Variants in EPHB1 observed in about 807,000 individuals in gnomAD.
EPHB1 encodes ephrin type-B receptor 1.
A neutral mutation model predicts 94.4 loss-of-function variants in EPHB1; 30 were observed. The observed-to-expected ratio is 0.32, with a 90% confidence interval of 0.24 to 0.43. The LOEUF (loss-of-function observed/expected upper bound fraction) is 0.43, where lower values mean the gene tolerates loss of function less well. Ranked by LOEUF, EPHB1 falls within the 20% of genes least tolerant of loss-of-function variation. EPHB1 has a pLI of 1.00. For synonymous variants in EPHB1, 522 were observed against 489.1 expected, an observed-to-expected ratio of 1.07 and a Z score of -0.89; for missense variants, 1,055 against 1,308.3, an observed-to-expected ratio of 0.81 and a Z score of 2.99.
intron 3 of EPHB1, among the ~76,000 whole-genome samples, chr3:135,077,685 G>T (rs1425860320): frequency 6.6e-6 from 1 of 152,194 alleles, no homozygotes; most frequent in Non-Finnish European, 1.5e-5. Context: ...ACCCTGAGAT[G>T]CATACATGGC....
chr3:134,841,966 ATCC>A (rs2036786377), intron 1 of EPHB1, among the ~76,000 whole-genome samples: 1 of 152,190 alleles, frequency 6.6e-6, no homozygotes, highest in South Asian at 2.1e-4. Context: ...CATCATAGAC[ATCC>A]CCACACATTG....
At chr3:135,091,101 A>C (rs948557934) in intron 3 of EPHB1, among the ~76,000 whole-genome samples, 4 of 152,254 alleles carry the variant, frequency 2.6e-5, no homozygotes, top group African/African-American at 9.6e-5. Flanking sequence ...AACAGAATGC[A>C]GCTCTTCCCT....
intron 1 of EPHB1, among the ~76,000 whole-genome samples, chr3:134,865,995 T>G (rs2108305690): frequency 6.6e-6 from 1 of 152,240 alleles, no homozygotes; most frequent in Middle Eastern, 3.4e-3. Flanking sequence ...ATAAGGAATC[T>G]CTGAGCAGAT....
intron 3 of EPHB1, among the ~76,000 whole-genome samples, chr3:135,053,027 G>GTGTATATATATATATATATA (rs1256844091): frequency 1.2e-4 from 13 of 110,470 alleles, no homozygotes; most frequent in South Asian, 2.9e-4. Flanking sequence ...GTGTGTGTGT[G>GTGTATATATATATATATATA]TATATATATA....
intron 12 of EPHB1, among the ~76,000 whole-genome samples, chr3:135,238,814 T>C (rs1484708661): frequency 6.6e-6 from 1 of 152,206 alleles, no homozygotes; most frequent in African/African-American, 2.4e-5. Context: ...CCAGGTATTT[T>C]GAGAAAACCA....
In EPHB1 at chr3:135,154,138, T is replaced by C; in HGVS notation, c.1298-14T>C. The C allele has an allele frequency of 6.2e-7, 1 of 1,613,866 alleles. No individual in the cohort carries two copies. Among genetic ancestry groups the C allele is most frequent in the Non-Finnish European group, 8.5e-7 (1 of 1,179,816 alleles). On this transcript the variant is annotated splice_polypyrimidine_tract_variant and intron_variant, in intron 5 of 15. Transcript: ENST00000398015. ...GTGTCTGTTCAGCTACCCTGTTTCT[T>C]TCTCTCTCCACAGCCCCCTCCACCG... is the stretch of plus-strand genomic sequence containing the variant.
intron 6 of EPHB1, among the ~76,000 whole-genome samples, chr3:135,157,220 T>C (rs951717092): frequency 1.3e-5 from 2 of 152,176 alleles, no homozygotes; most frequent in African/African-American, 4.8e-5. Flanking sequence ...GGAAAGAATA[T>C]GTTAGAGACC....
intron 3 of EPHB1, among the ~76,000 whole-genome samples, chr3:134,984,955 G>A (rs1934543881): frequency 6.6e-6 from 1 of 152,066 alleles, no homozygotes; most frequent in Admixed American, 6.6e-5. Context: ...AGAGCTTGGT[G>A]GCATCAAAAA....
chr3:135,111,864 G>C (rs1384539031), intron 4 of EPHB1, among the ~76,000 whole-genome samples: 1 of 152,114 alleles, frequency 6.6e-6, no homozygotes, highest in African/African-American at 2.4e-5. Flanking sequence ...ATTTTTAGTA[G>C]AGATGGGGTT....
chr3:135,054,024 C>CATATATATATAT (rs144029421), intron 3 of EPHB1, among the ~76,000 whole-genome samples: 108 of 137,422 alleles, frequency 7.9e-4, no homozygotes, highest in African/African-American at 3.0e-3. Flanking sequence ...TGTGTGTCTG[C>CATATATATATAT]ATATATATAT....
intron 3 of EPHB1, among the ~76,000 whole-genome samples, chr3:135,013,140 T>C (rs1054124083): frequency 2.0e-5 from 3 of 152,222 alleles, no homozygotes; most frequent in African/African-American, 2.4e-5. Flanking sequence ...GTCATTTCCG[T>C]TTATCAGAAG....
At chr3:135,097,116 G>A (rs867948238) in intron 3 of EPHB1, among the ~76,000 whole-genome samples, 156 of 120,796 alleles carry the variant, frequency 1.3e-3, no homozygotes, top group Middle Eastern at 9.8e-3. Flanking sequence ...AAAAAAAAAA[G>A]AAAAAAAATT....
At chr3:135,105,084 G>A (rs919224330) in intron 3 of EPHB1, among the ~76,000 whole-genome samples, 5 of 152,190 alleles carry the variant, frequency 3.3e-5, no homozygotes, top group Non-Finnish European at 1.5e-5. Context: ...TGCATGGAAA[G>A]CACTTAACAA....
chr3:134,958,078 C>G (rs1289545049), intron 3 of EPHB1, among the ~76,000 whole-genome samples: 2 of 152,134 alleles, frequency 1.3e-5, no homozygotes, highest in African/African-American at 2.4e-5. Context: ...CATTCCTCCG[C>G]CCTCTCCAAG....
rs1047789037 is a variant in EPHB1, at chr3:135,252,461, C to T, written c.2846+2970C>T. ...ATTCCCACCTATGAGTGAGAATATG[C>T]GGTGTTTGGTTTTTTGTTCTCCCGA... On this transcript the variant is annotated intron_variant, in intron 15 of 15. Transcript: ENST00000398015. 7.7e-4 allele frequency among the ~76,000 whole-genome samples: 111 copies of T among 144,732 alleles called. 1 individual carries two copies. In the East Asian group the frequency reaches 0.011, roughly 14 times the overall value. 94.9% of individuals were successfully genotyped at this position (144,732 alleles called of 152,430 possible).
chr3:135,087,434 A>G (rs939377391), intron 3 of EPHB1, among the ~76,000 whole-genome samples: 4 of 152,226 alleles, frequency 2.6e-5, no homozygotes, highest in Non-Finnish European at 4.4e-5. Flanking sequence ...GGGGAATTCA[A>G]TAATGAAGTT....
At chr3:135,212,098 C>T (rs931726) in intron 12 of EPHB1, among the ~76,000 whole-genome samples, 39,511 of 151,946 alleles carry the variant, frequency 0.26, 5,426 homozygotes, top group East Asian at 0.52. Context: ...TGTTTTGTTT[C>T]TGAGCCCTTC....
intron 1 of EPHB1, among the ~76,000 whole-genome samples, chr3:134,876,794 A>T (rs977988363): frequency 2.0e-5 from 3 of 151,792 alleles, no homozygotes; most frequent in African/African-American, 7.3e-5. Context: ...CCAGAGTAGA[A>T]TCAGGCACTC....
rs770070877 is a variant in EPHB1 at position 135,192,587 on chromosome 3, G to A, written c.1894G>A (p.Glu632Lys). 79 of 1,613,700 alleles carry A rather than the reference G, an allele frequency of 4.9e-5. No homozygotes were observed. Among genetic ancestry groups the A allele is most frequent in the Non-Finnish European group, 6.4e-5 (76 of 1,179,798 alleles). ...EEVIGAGEFG[E>K]VYKGRLKLPG... The stretch of plus-strand genomic sequence containing the variant: ...TTTTGCTGTTGCAGGGGAGTTTGGA[G>A]AAGTGTACAAGGGGCGTTTGAAACT... The change falls in exon 11 of 16, where the codon GAA becomes AAA. Residue 632 changes from glutamate to lysine, a missense_variant. Physicochemically the swap from Glu to Lys is moderately conservative, Grantham distance 56 (BLOSUM62 1). Transcript: ENST00000398015.
Sources: gnomAD v4.1 joint callset for allele counts (sites outside exome capture counted in the v4.1 genomes callset) on GRCh38, gnomAD v4.1.1 for gene constraint, MANE v1.5 for transcripts, NCBI Gene and HGNC (gene_info 2026-07-23, HGNC 2026-07-21) for gene names.